The following LPIN2 variants were observed in gnomAD, a reference collection of about 807,000 sequenced individuals.
The protein encoded by LPIN2 is lipin 2.
Under a neutral mutation model 111.4 loss-of-function variants are expected in LPIN2, and 55 were observed. The ratio of observed to expected loss-of-function variants is 0.49; its 90% CI spans 0.40 to 0.62. The LOEUF (loss-of-function observed/expected upper bound fraction) is 0.62. LPIN2 is among the 20% of genes least tolerant of loss of function. The pLI, the probability that LPIN2 is intolerant of heterozygous loss-of-function variation, is 0.00. For synonymous variants in LPIN2, 425 were observed against 414.0 expected (o/e 1.03, Z -0.32); for missense variants, 992 against 1,112.1 (o/e 0.89, Z 1.54).
intron 9 of LPIN2, among the ~76,000 whole-genome samples, chr18:2,929,867 G>A (rs1568523718): frequency 6.6e-6 from 1 of 152,192 alleles, no homozygotes; most frequent in Non-Finnish European, 1.5e-5. Flanking sequence ...CTGAGATGGT[G>A]CCACTGCACT....
At chr18:2,936,861 G>A (rs886829891) in intron 7 of LPIN2, among the ~76,000 whole-genome samples, 1 of 152,146 alleles carries the variant, frequency 6.6e-6, no homozygotes, top group Non-Finnish European at 1.5e-5. Context: ...TTACAGGTGT[G>A]AGCCACTGCA....
chr18:2,966,369 C>A (rs571895966), intron 1 of LPIN2, among the ~76,000 whole-genome samples: 23 of 152,200 alleles, frequency 1.5e-4, no homozygotes, highest in Non-Finnish European at 2.4e-4. Flanking sequence ...ACTTGTTACA[C>A]GTCTCTCATG....
Position 2,925,093 on chromosome 18 carries a change from A to G in LPIN2, c.1938+131T>C. 1 of 1,218,696 alleles carries G rather than the reference A, an allele frequency of 8.2e-7. No individual in the cohort carries two copies. Among genetic ancestry groups the G allele is most frequent in the Non-Finnish European group, 1.2e-6 (1 of 848,242 alleles). 75.5% of individuals were successfully genotyped at this position (1,218,696 alleles called of 1,614,324 possible). The stretch of plus-strand genomic sequence containing the variant: ...GGCGGCGGTCGTGGTTCCACTGTGG[A>G]TAGGCATTGACACGACCATGCCGTG... On this transcript the variant is annotated intron_variant, in intron 14 of 19. Transcript: ENST00000677752. The surrounding 1 kb of genome is among the most constrained non-coding windows in gnomAD (Gnocchi z 4.1).
chr18:2,945,675 C>A (rs2077440201), intron 4 of LPIN2: 1 of 1,404,374 alleles, frequency 7.1e-7, no homozygotes, highest in Admixed American at 1.7e-5. Flanking sequence ...TTAATAACTT[C>A]GCTTTACATC....
Position 2,951,005 on chromosome 18 carries a change from C to T in LPIN2, c.590+50G>A, listed in dbSNP as rs371327668. The T allele has an allele frequency of 4.5e-5, 73 of 1,607,814 alleles. 1 individual carries two copies. The highest frequency in any genetic ancestry group is 3.6e-4 in the South Asian group (33 of 90,916). ...AAAAAACTGGCAGCTCCTGGCTTCA[C>T]ATGAACTCTAGGTACCCGCACAAGA... On this transcript the variant is annotated intron_variant, in intron 4 of 19. Coordinates refer to ENST00000677752, the MANE Select transcript of LPIN2 (RefSeq NM_001375808.2).
chr18:2,920,715 T>C, intron 19 of LPIN2, 63 bp downstream of exon 19: 1 of 1,223,860 alleles, frequency 8.2e-7, no homozygotes. Flanking sequence ...GGACAGGGTC[T>C]GTCTGTCCCC....
intron 1 of LPIN2, among the ~76,000 whole-genome samples, chr18:2,962,663 G>C (rs1022241923): frequency 6.6e-6 from 1 of 152,116 alleles, no homozygotes; most frequent in South Asian, 2.1e-4. Flanking sequence ...AACACAGCTA[G>C]ATCTCATGCA....
chr18:2,941,827 A>G (rs78338057), intron 4 of LPIN2, among the ~76,000 whole-genome samples: 3,154 of 152,290 alleles, frequency 0.021, 101 homozygotes, highest in African/African-American at 0.068. Flanking sequence ...TGGGAGGCTA[A>G]GGCAGAGAAC....
chr18:2,943,363 G>A (rs188645204), intron 4 of LPIN2, among the ~76,000 whole-genome samples: 2 of 151,946 alleles, frequency 1.3e-5, no homozygotes, highest in African/African-American at 4.8e-5. Flanking sequence ...AAATTCAAAG[G>A]CTCCTTAAGA....
rs1001351587 is a variant in LPIN2 at position 2,945,519 on chromosome 18, C to G, written c.591-4807G>C. On this transcript the variant is annotated intron_variant, in intron 4 of 19. Transcript: ENST00000677752. The stretch of plus-strand genomic sequence containing the variant: ...ACACAGTATTAAAAATTCTGAAATA[C>G]GTAATAGCCTTCCTCCCATCTCCCA... 33 of 1,120,286 alleles carry G rather than the reference C, an allele frequency of 2.9e-5. No individual in the cohort carries two copies. The African/African-American group carries it at 4.9e-4, about 17-fold the overall frequency. 69.4% of individuals were successfully genotyped at this position (1,120,286 alleles called of 1,614,324 possible).
At chr18:2,951,463 A>T in intron 3 of LPIN2, 107 bp from the exon 4 acceptor site, 1 of 853,502 alleles carries the variant, frequency 1.2e-6, no homozygotes, top group Non-Finnish European at 1.8e-6. Flanking sequence ...AAAAAAAAAA[A>T]TACATATTCC....
intron 7 of LPIN2, among the ~76,000 whole-genome samples, chr18:2,937,424 A>T (rs1205807688): frequency 1.3e-5 from 2 of 151,830 alleles, no homozygotes; most frequent in Admixed American, 1.3e-4. Flanking sequence ...GTGTGCCTGT[A>T]ACCCCAGCTA....
At position 2,922,199 on chromosome 18, in the gene LPIN2, C is replaced by T; in HGVS notation, c.2175G>A (p.Glu725=). 6.2e-7 allele frequency: 1 copy of T among 1,613,972 alleles called. No homozygotes were observed. The highest frequency in any genetic ancestry group is 8.5e-7 in the Non-Finnish European group (1 of 1,179,940). ...AGCAGTACAGAAACTTGTAGCCATT[C>T]CTGAAAGAAAACACACCCTGTTAGC... The part of the protein sequence containing the change: ...GIAKLYHSIN[E]NGYKFLYCSA... Residue 725 remains glutamate (E), a splice_region_variant and synonymous_variant, in exon 17 of 20, where the codon GAG becomes GAA. Coordinates refer to ENST00000677752, the MANE Select transcript of LPIN2 (RefSeq NM_001375808.2).
intron 1 of LPIN2, among the ~76,000 whole-genome samples, chr18:2,991,965 G>A (rs914715485): frequency 6.6e-5 from 10 of 151,074 alleles, no homozygotes; most frequent in East Asian, 1.9e-4. Flanking sequence ...CTGAGATAGC[G>A]CCACTGCACT....
chr18:2,963,127 T>C lies in LPIN2; in HGVS notation c.-9-2278A>G, dbSNP rs1408765454. Among the ~76,000 whole-genome samples the C allele has an allele frequency of 3.3e-5, 5 of 152,326 alleles. No individual in the cohort carries two copies. In the East Asian group the frequency reaches 9.6e-4, roughly 29 times the overall value. ...GATAATGAAACAATGACATTTATAT[T>C]GTGAAGGCTGGTAAAACAAAAGTAA... On this transcript the variant is annotated intron_variant, in intron 1 of 19. Coordinates refer to ENST00000677752, the MANE Select transcript of LPIN2 (RefSeq NM_001375808.2).
At chr18:2,920,745 G>C in intron 19 of LPIN2, 33 bp downstream of exon 19, 2 of 1,544,838 alleles carry the variant, frequency 1.3e-6, no homozygotes, top group Non-Finnish European at 1.8e-6. Context: ...CCTGGCTGCA[G>C]GGCGCCGGGC....
chr18:2,921,807 T>C (rs1393152660), intron 17 of LPIN2, 160 bp from the exon 18 acceptor site: 20 of 767,522 alleles, frequency 2.6e-5, no homozygotes, highest in Middle Eastern at 3.7e-4. Context: ...CTAAGAAAAT[T>C]TGAGTGATGA....
At chr18:3,009,227 G>C (rs2078564060) in intron 1 of LPIN2, among the ~76,000 whole-genome samples, 1 of 151,722 alleles carries the variant, frequency 6.6e-6, no homozygotes, top group Non-Finnish European at 1.5e-5. Flanking sequence ...GTGAAACCCT[G>C]TCTCTCCTAA....
chr18:2,950,526 C>G, intron 4 of LPIN2: 1 of 159,800 alleles, frequency 6.3e-6, no homozygotes, highest in Admixed American at 6.0e-5. Context: ...GTTCTACTCC[C>G]AACTGCTACC....
Sources: gnomAD v4.1 joint callset for allele counts (sites outside exome capture counted in the v4.1 genomes callset) on GRCh38, gnomAD v4.1.1 for gene constraint, Gnocchi (gnomAD v3.1) non-coding constraint, MANE v1.5 for transcripts, NCBI Gene and HGNC (gene_info 2026-07-23, HGNC 2026-07-21) for gene names.